Variants in FAS observed in about 807,000 individuals in gnomAD.
The protein encoded by FAS is Fas cell surface death receptor.
FAS carries 5 observed loss-of-function variants against 33.2 expected under a neutral mutation model. That is an observed-to-expected ratio of 0.15 (90% CI 0.08 to 0.32). The LOEUF (loss-of-function observed/expected upper bound fraction) is 0.32. FAS is among the 10% of genes least tolerant of loss of function. The pLI is 1.00. For synonymous variants in FAS, 131 were observed against 130.7 expected (o/e 1.00, Z -0.01); for missense variants, 339 against 386.0 (o/e 0.88, Z 1.02).
chr10:89,014,709 G>C lies in FAS; in HGVS notation c.*259G>C, dbSNP rs1369641085. On this transcript the variant is annotated 3_prime_UTR_variant, in exon 9 of 9. Coordinates refer to ENST00000652046, the MANE Select transcript of FAS (RefSeq NM_000043.6). ...GTACCCAAATAGGAGTGTATGCAGAGGATGAAAGATTAAGATTATGCTCTG... is the reference window on the plus strand; with the variant it reads ...GTACCCAAATAGGAGTGTATGCAGACGATGAAAGATTAAGATTATGCTCTG... The C allele has an allele frequency of 1.6e-6, 1 of 634,182 alleles. No individual in the cohort carries two copies. The highest frequency in any genetic ancestry group is 2.1e-5 in the Admixed American group (1 of 48,100). 39.3% of individuals were successfully genotyped at this position (634,182 alleles called of 1,614,324 possible).
chr10:89,006,271 A>C (rs1213513972), intron 2 of FAS, among the ~76,000 whole-genome samples: 1 of 152,196 alleles, frequency 6.6e-6, no homozygotes, highest in Non-Finnish European at 1.5e-5. Context: ...ATATTGCTAC[A>C]ATGTTATATA....
intron 1 of FAS, among the ~76,000 whole-genome samples, chr10:88,967,204 A>C (rs1039180832): frequency 3.9e-5 from 6 of 152,156 alleles, no homozygotes; most frequent in Non-Finnish European, 7.4e-5. Context: ...TTTTATACTG[A>C]AGAGCTCCCA....
chr10:89,004,109 TTTA>T (rs1322905963), intron 2 of FAS, among the ~76,000 whole-genome samples: 2 of 152,222 alleles, frequency 1.3e-5, no homozygotes, highest in African/African-American at 4.8e-5. Flanking sequence ...GCGTCCTGGC[TTTA>T]TTATAACCTG....
At chr10:88,965,778 G>A (rs774305220) in intron 1 of FAS, among the ~76,000 whole-genome samples, 4 of 152,258 alleles carry the variant, frequency 2.6e-5, no homozygotes, top group Non-Finnish European at 5.9e-5. Flanking sequence ...CAGACTCCAT[G>A]GAAGAGTGTC....
chr10:88,964,453 A>G (rs1318001327), intron 1 of FAS, among the ~76,000 whole-genome samples: 1 of 152,202 alleles, frequency 6.6e-6, no homozygotes, highest in Admixed American at 6.5e-5. Flanking sequence ...AAACAAATAC[A>G]TGGGAAACTA....
At chr10:88,985,111 A>G (rs773377323), upstream of FAS, among the ~76,000 whole-genome samples, 5 of 152,220 alleles carry the variant, frequency 3.3e-5, no homozygotes, top group African/African-American at 7.2e-5. Context: ...AAATAAAATA[A>G]CAAAATCCAA....
chr10:89,004,146 T>G (rs760950321), intron 2 of FAS, among the ~76,000 whole-genome samples: 23 of 152,230 alleles, frequency 1.5e-4, no homozygotes, highest in Non-Finnish European at 3.1e-4. Context: ...ATTTGCTCTA[T>G]GAATTGAAAT....
upstream of FAS, among the ~76,000 whole-genome samples, chr10:88,990,156 C>T (rs1238559842): frequency 1.3e-5 from 2 of 152,170 alleles, no homozygotes; most frequent in East Asian, 3.8e-4. The surrounding 1 kb of genome is among the most constrained non-coding windows in gnomAD (Gnocchi z 4.9). Context: ...TTTTCAGAGC[C>T]CTATGGCGCA....
chr10:88,990,521 TCTC>T (rs1159811496), upstream of FAS: 1 of 602,368 alleles, frequency 1.7e-6, no homozygotes, highest in East Asian at 3.4e-5. This position sits in a 1 kb window ranked among gnomAD's most constrained non-coding sequence, Gnocchi z 4.9. Flanking sequence ...CACCCTGACT[TCTC>T]CCCCTCCCTA....
At chr10:89,009,871 G>A (rs1056220164) in intron 4 of FAS, among the ~76,000 whole-genome samples, 1 of 152,120 alleles carries the variant, frequency 6.6e-6, no homozygotes, top group Non-Finnish European at 1.5e-5. Flanking sequence ...TAATTTTCTT[G>A]TCATCATAAC....
rs367885573 is a variant in FAS at position 88,990,942 on chromosome 10, G to C, written c.30+36G>C. On this transcript the variant is annotated intron_variant, in intron 1 of 8. Coordinates refer to ENST00000652046, the MANE Select transcript of FAS (RefSeq NM_000043.6). The surrounding 1 kb of genome is among the most constrained non-coding windows in gnomAD (Gnocchi z 4.9). Reference sequence around the variant, plus strand: ...TCCTGCCCGGGTGGAGGCTTACCCCGTCTTAGTCCCGGGGATAGGCAAAGT... The same window carrying C: ...TCCTGCCCGGGTGGAGGCTTACCCCCTCTTAGTCCCGGGGATAGGCAAAGT... The C allele has an allele frequency of 1.9e-6, 3 of 1,613,938 alleles. No homozygotes were observed. The highest frequency in any genetic ancestry group is 2.5e-6 in the Non-Finnish European group (3 of 1,179,932).
chr10:88,989,502 C>G (rs1430052619), upstream of FAS: 1 of 544,140 alleles, frequency 1.8e-6, no homozygotes, highest in African/African-American at 1.9e-5. Flanking sequence ...CTGGCACGCC[C>G]AGGGTCTTCC....
In FAS at chr10:89,015,029, T is replaced by A. The variant is rs1848730406; in HGVS notation, c.*579T>A. The A allele has an allele frequency of 1.9e-6, 1 of 533,736 alleles. No individual in the cohort carries two copies. Among genetic ancestry groups the A allele is most frequent in the South Asian group, 1.5e-5 (1 of 65,096 alleles). The allele number at this position is 533,736 out of a possible 1,614,324, so 33.1% of individuals were successfully genotyped here. ...CTACCTCAAAGACCTTTGCACAGTT[T>A]ATTGGTGTCATATTATACAATATTT... On this transcript the variant is annotated 3_prime_UTR_variant, in exon 9 of 9. Coordinates refer to ENST00000652046, the MANE Select transcript of FAS (RefSeq NM_000043.6).
intron 4 of FAS, among the ~76,000 whole-genome samples, chr10:89,010,214 A>G (rs190413195): frequency 6.6e-6 from 1 of 152,324 alleles, no homozygotes; most frequent in East Asian, 1.9e-4. Flanking sequence ...AGTTTAAGCT[A>G]TAGGATTTAC....
intron 2 of FAS, among the ~76,000 whole-genome samples, chr10:89,005,527 C>G (rs1466500195): frequency 6.6e-6 from 1 of 151,960 alleles, no homozygotes; most frequent in Non-Finnish European, 1.5e-5. Flanking sequence ...TATATACACA[C>G]CTGTTATATA....
upstream of FAS, chr10:88,990,709 GT>G (rs1847118974): frequency 1.3e-6 from 1 of 774,546 alleles, no homozygotes; most frequent in Admixed American, 2.0e-5. The surrounding 1 kb of genome is among the most constrained non-coding windows in gnomAD (Gnocchi z 4.9). Context: ...GAGGGAAGCG[GT>G]TTACGAGTGA....
At chr10:88,979,301 C>T (rs1773982094) in intron 2 of FAS, among the ~76,000 whole-genome samples, 1 of 152,036 alleles carries the variant, frequency 6.6e-6, no homozygotes, top group African/African-American at 2.4e-5. Context: ...TTTCCCGGCT[C>T]TGCCGCAGGG....
At chr10:89,006,388 C>A (rs955175361) in intron 2 of FAS, among the ~76,000 whole-genome samples, 1 of 152,112 alleles carries the variant, frequency 6.6e-6, no homozygotes, top group Non-Finnish European at 1.5e-5. Flanking sequence ...ATTTACATGT[C>A]ATAATTTGCT....
chr10:88,969,148 A>G (rs1384038762), intron 1 of FAS, among the ~76,000 whole-genome samples: 1 of 152,204 alleles, frequency 6.6e-6, no homozygotes, highest in Non-Finnish European at 1.5e-5. Context: ...GATCTTGATT[A>G]TTGAGGCAAG....
Sources: gnomAD v4.1 joint callset for allele counts (sites outside exome capture counted in the v4.1 genomes callset) on GRCh38, gnomAD v4.1.1 for gene constraint, Gnocchi (gnomAD v3.1) non-coding constraint, MANE v1.5 for transcripts, NCBI Gene and HGNC (gene_info 2026-07-23, HGNC 2026-07-21) for gene names.